The following GID4 variants were observed in gnomAD, a reference collection of about 807,000 sequenced individuals.
GID4 encodes the protein glucose-induced degradation protein 4 homolog.
A neutral mutation model predicts 32.4 loss-of-function variants in GID4; 7 were observed. The observed-to-expected ratio is 0.22, with a 90% CI of 0.12 to 0.41. The LOEUF is 0.41. GID4 is among the 10% of genes least tolerant of loss of function. The pLI, the probability that GID4 is intolerant of heterozygous loss-of-function variation, is 1.00. For synonymous variants in GID4, 166 were observed against 170.0 expected (o/e 0.98, Z 0.18); for missense variants, 309 against 400.0 (o/e 0.77, Z 1.94).
chr17:18,060,084 C>CAAAAAAAAA, intron 4 of GID4, among the ~76,000 whole-genome samples: 1 of 60,474 alleles, frequency 1.7e-5, no homozygotes, highest in Non-Finnish European at 3.0e-5. Flanking sequence ...GACTCCATCT[C>CAAAAAAAAA]AAAAAAAAAA....
At chr17:18,045,034 C>G (rs1443782895) in intron 1 of GID4, 113 bp from the exon 2 acceptor site, 7 of 742,634 alleles carry the variant, frequency 9.4e-6, no homozygotes, top group Non-Finnish European at 1.6e-5. Flanking sequence ...CTTGGACTGC[C>G]CTGGGTGTTC....
At chr17:18,044,421 T>G (rs1159838304) in intron 1 of GID4, among the ~76,000 whole-genome samples, 1 of 152,174 alleles carries the variant, frequency 6.6e-6, no homozygotes, top group Non-Finnish European at 1.5e-5. Flanking sequence ...AACCAGTAAT[T>G]GGTGACTGCT....
At chr17:18,057,926 C>T (rs549854403) in intron 3 of GID4, among the ~76,000 whole-genome samples, 6 of 152,250 alleles carry the variant, frequency 3.9e-5, no homozygotes, top group Non-Finnish European at 5.9e-5. Flanking sequence ...CTCCGCCTCC[C>T]GGGTTCACGC....
chr17:18,040,767 C>T (rs938279188), intron 1 of GID4, among the ~76,000 whole-genome samples: 1 of 152,168 alleles, frequency 6.6e-6, no homozygotes, highest in Non-Finnish European at 1.5e-5. Context: ...CTGTTCTTAA[C>T]TTTTCTCTAC....
At position 18,065,649 on chromosome 17, in the gene GID4, G is replaced by A. The variant is rs567647635; in HGVS notation, c.*406G>A. 2 of 228,344 alleles carry A rather than the reference G, an allele frequency of 8.8e-6. No homozygotes were observed. Among genetic ancestry groups the A allele is most frequent in the East Asian group, 1.3e-4 (1 of 7,652 alleles). The allele number at this position is 228,344 out of a possible 1,614,324, so 14.1% of individuals were successfully genotyped here. A position where few individuals can be genotyped will look rare whatever the true frequency, so the allele number is the denominator to read the frequency against. On this transcript the variant is annotated 3_prime_UTR_variant, in exon 6 of 6. Transcript: ENST00000268719. Reference sequence around the variant, plus strand: ...CCGAGGCCCTAGACCCCCACCCCCCGCCAGTTGCTTTGTCTGGTAGCTCAA... The same window carrying A: ...CCGAGGCCCTAGACCCCCACCCCCCACCAGTTGCTTTGTCTGGTAGCTCAA...
At chr17:18,063,454 G>A (rs1228779755) in intron 5 of GID4, among the ~76,000 whole-genome samples, 1 of 152,134 alleles carries the variant, frequency 6.6e-6, no homozygotes, top group Non-Finnish European at 1.5e-5. Flanking sequence ...TATTAATAGA[G>A]TTGTCTAACT....
intron 5 of GID4, among the ~76,000 whole-genome samples, chr17:18,063,007 G>T (rs1406002394): frequency 1.3e-5 from 2 of 151,930 alleles, no homozygotes; most frequent in African/African-American, 4.8e-5. Flanking sequence ...CTGGGAGGTG[G>T]AGCTTGCAGG....
chr17:18,064,902 T>A (rs1340700015), intron 5 of GID4, among the ~76,000 whole-genome samples: 1 of 152,160 alleles, frequency 6.6e-6, no homozygotes, highest in Non-Finnish European at 1.5e-5. Flanking sequence ...CCACAGCTTA[T>A]TGAGGTCTCC....
intron 1 of GID4, among the ~76,000 whole-genome samples, chr17:18,042,541 A>T (rs1376656031): frequency 6.6e-6 from 1 of 152,206 alleles, no homozygotes; most frequent in Non-Finnish European, 1.5e-5. Flanking sequence ...GATATACAAC[A>T]TTTTGTTTAT....
At chr17:18,057,856 C>T (rs1225538694) in intron 3 of GID4, among the ~76,000 whole-genome samples, 1 of 150,584 alleles carries the variant, frequency 6.6e-6, no homozygotes, top group Non-Finnish European at 1.5e-5. Flanking sequence ...TTTTTTGAGA[C>T]AGAGTCTCGC....
intron 5 of GID4, among the ~76,000 whole-genome samples, chr17:18,063,958 G>T (rs1166617348): frequency 6.6e-6 from 1 of 152,218 alleles, no homozygotes; most frequent in Non-Finnish European, 1.5e-5. Flanking sequence ...GGCCAGGCCT[G>T]TCTCGAACTC....
At chr17:18,063,075 A>AAAATAAATAAAT (rs140677914) in intron 5 of GID4, among the ~76,000 whole-genome samples, 7 of 123,580 alleles carry the variant, frequency 5.7e-5, no homozygotes, top group East Asian at 2.3e-4. Context: ...CACCATCTCA[A>AAAATAAATAAAT]AAATAAATAA....
In GID4 at chr17:18,043,021, T is replaced by C. The variant is rs999373218; in HGVS notation, c.439-2126T>C. 3.3e-5 allele frequency among the ~76,000 whole-genome samples: 5 copies of C among 152,312 alleles called. No individual in the cohort carries two copies. In the East Asian group the frequency reaches 5.8e-4, roughly 18 times the overall value. The stretch of plus-strand genomic sequence containing the variant: ...ACTGGGTCTCCTCTCCACCCCGCAC[T>C]TACTGTGACTCCTCTTTCCTCCTCT... On this transcript the variant is annotated intron_variant, in intron 1 of 5. Coordinates refer to ENST00000268719, the MANE Select transcript of GID4 (RefSeq NM_024052.5).
At chr17:18,056,689 T>C in intron 3 of GID4, 1 of 1,541,506 alleles carries the variant, frequency 6.5e-7, no homozygotes, top group Non-Finnish European at 8.8e-7. Flanking sequence ...AATTTTCCCA[T>C]TGACTTCCGT....
Position 18,039,476 on chromosome 17 carries a change from AG to A in GID4, c.15del (p.Gln6LysfsTer136). The A allele has an allele frequency of 7.5e-7, 1 of 1,335,518 alleles. No homozygotes were observed. The highest frequency in any genetic ancestry group is 9.5e-7 in the Non-Finnish European group (1 of 1,047,918). The allele number at this position is 1,335,518 out of a possible 1,614,324, so 82.7% of individuals were successfully genotyped here. A position where few individuals can be genotyped will look rare whatever the true frequency, so the allele number is the denominator to read the frequency against. On this transcript the variant is annotated frameshift_variant, in exon 1 of 6. Transcript: ENST00000268719. LOFTEE classifies it high-confidence loss of function. The surrounding 1 kb of genome is among the most constrained non-coding windows in gnomAD (Gnocchi z 5.3). MCAR[G>X]QVGRGTQLRT... is the part of the protein sequence containing the mutation. ...GTCTGTGTGTGTGTATGTGTGCGCG[AG>A]GGCAAGTCGGGAGGGGGACCCAGCT...
At position 18,066,395 on chromosome 17, in the gene GID4, AG is replaced by A. The variant is rs2045062897; in HGVS notation, c.*1156del. ...AACAGTGACTCTGAAATGTTGGGAC[AG>A]GGGAAGGGGTGGGAAACATGAACAT... On this transcript the variant is annotated 3_prime_UTR_variant, in exon 6 of 6. Transcript: ENST00000268719. 2 of 152,454 alleles carry A rather than the reference AG, an allele frequency of 1.3e-5. No individual in the cohort carries two copies. The highest frequency in any genetic ancestry group is 4.8e-5 in the African/African-American group (2 of 41,398). The allele number at this position is 152,454 out of a possible 1,614,324, so 9.4% of individuals were successfully genotyped here.
rs187529235 is a variant in GID4, at chr17:18,056,648, C to T, written c.607-2220C>T. On this transcript the variant is annotated intron_variant, in intron 3 of 5. Transcript: ENST00000268719. ...GACACTCAGTTTTAGGCTAGGTTGA[C>T]TACAAATTAAATACTTGGAAAGCAA... is the stretch of plus-strand genomic sequence containing the variant. 182 of 1,520,562 alleles carry T rather than the reference C, an allele frequency of 1.2e-4. 1 individual carries two copies. The highest frequency in any genetic ancestry group is 1.2e-5 in the South Asian group (1 of 81,252). 94.2% of individuals were successfully genotyped at this position (1,520,562 alleles called of 1,614,324 possible).
At chr17:18,055,575 A>G (rs888198853) in intron 3 of GID4, among the ~76,000 whole-genome samples, 1 of 151,248 alleles carries the variant, frequency 6.6e-6, no homozygotes, top group Non-Finnish European at 1.5e-5. Context: ...TATAGCCTCA[A>G]CCTCCTGGGC....
chr17:18,049,912 G>A (rs1460536649), intron 2 of GID4, among the ~76,000 whole-genome samples: 2 of 152,152 alleles, frequency 1.3e-5, no homozygotes, highest in Non-Finnish European at 2.9e-5. Context: ...TTACAGGCTT[G>A]AGCCTATTGT....
Sources: gnomAD v4.1 joint callset for allele counts (sites outside exome capture counted in the v4.1 genomes callset) on GRCh38, gnomAD v4.1.1 for gene constraint, Gnocchi (gnomAD v3.1) non-coding constraint, MANE v1.5 for transcripts, NCBI Gene and HGNC (gene_info 2026-07-23, HGNC 2026-07-21) for gene names.